Variants in ENOX1 observed in about 807,000 individuals in gnomAD.
ENOX1 encodes ecto-NOX disulfide-thiol exchanger 1.
Under a neutral mutation model 82.5 loss-of-function variants are expected in ENOX1, and 42 were observed. The observed-to-expected ratio is 0.51, with a 90% confidence interval of 0.40 to 0.66. ENOX1 has a LOEUF of 0.66. ENOX1 is among the 30% of genes least tolerant of loss of function. ENOX1 has a pLI of 0.00. For missense variants in ENOX1, 608 were observed against 811.6 expected (o/e 0.75, Z 3.05); for synonymous variants, 271 against 282.2 (o/e 0.96, Z 0.40).
At chr13:43,487,412 G>C (rs1229877132) in intron 2 of ENOX1, among the ~76,000 whole-genome samples, 5 of 152,122 alleles carry the variant, frequency 3.3e-5, no homozygotes, top group Non-Finnish European at 7.4e-5. Context: ...GCCAGAATAT[G>C]ATATACTTTA....
chr13:43,690,911 G>A (rs530268484), intron 1 of ENOX1, among the ~76,000 whole-genome samples: 1 of 152,298 alleles, frequency 6.6e-6, no homozygotes, highest in South Asian at 2.1e-4. Flanking sequence ...TGGGAGAAGG[G>A]CAAGAGTTCG....
intron 2 of ENOX1, among the ~76,000 whole-genome samples, chr13:43,585,481 A>G (rs1251922936): frequency 6.6e-6 from 1 of 152,212 alleles, no homozygotes; most frequent in Non-Finnish European, 1.5e-5. Flanking sequence ...ACCACCTCAA[A>G]GCATCCTTAT....
intron 11 of ENOX1, among the ~76,000 whole-genome samples, chr13:43,316,299 A>G (rs1473803791): frequency 6.6e-6 from 1 of 152,214 alleles, no homozygotes; most frequent in African/African-American, 2.4e-5. Context: ...GGTGTGGCAC[A>G]GTTGAGTAGT....
chr13:43,328,722 A>G (rs760410378), intron 9 of ENOX1, among the ~76,000 whole-genome samples: 4 of 152,174 alleles, frequency 2.6e-5, no homozygotes, highest in Non-Finnish European at 5.9e-5. Context: ...AGATCCCCTA[A>G]TATCTACTCA....
chr13:43,774,491 A>G (rs767244066), intron 1 of ENOX1, among the ~76,000 whole-genome samples: 1 of 152,178 alleles, frequency 6.6e-6, no homozygotes, highest in Non-Finnish European at 1.5e-5. Flanking sequence ...ATTTTTTCCA[A>G]TCTTGCACTT....
chr13:43,700,377 G>T (rs554016515), intron 1 of ENOX1, among the ~76,000 whole-genome samples: 1 of 152,260 alleles, frequency 6.6e-6, no homozygotes, highest in African/African-American at 2.4e-5. Context: ...TCTGAAAAGA[G>T]TCTGGTAGCA....
intron 3 of ENOX1, among the ~76,000 whole-genome samples, chr13:43,450,713 G>T (rs555986180): frequency 4.3e-4 from 66 of 152,200 alleles, no homozygotes; most frequent in African/African-American, 1.5e-3. Context: ...TGGATTGCAG[G>T]AGCCTGATAA....
chr13:43,317,898 G>A (rs76190827), intron 11 of ENOX1, among the ~76,000 whole-genome samples: 47,240 of 151,500 alleles, frequency 0.31, 7,909 homozygotes, highest in Middle Eastern at 0.53. Context: ...CTAGCTACTC[G>A]GGAGGCTGAG....
chr13:43,428,400 ACAT>A (rs2055454549), intron 3 of ENOX1, among the ~76,000 whole-genome samples: 1 of 152,128 alleles, frequency 6.6e-6, no homozygotes, highest in South Asian at 2.1e-4. Context: ...GAAGGTATAA[ACAT>A]CATCATTATC....
At chr13:43,688,053 G>C (rs900927546) in intron 1 of ENOX1, among the ~76,000 whole-genome samples, 1 of 152,074 alleles carries the variant, frequency 6.6e-6, no homozygotes, top group Admixed American at 6.6e-5. Context: ...TCAGGCTCCA[G>C]CTATTTTCCC....
intron 16 of ENOX1, among the ~76,000 whole-genome samples, chr13:43,214,353 C>T (rs1303845711): frequency 1.3e-5 from 2 of 152,112 alleles, no homozygotes. Flanking sequence ...GTGCCAAGTT[C>T]ACCCTTCATA....
chr13:43,650,606 A>G (rs898715693), intron 2 of ENOX1, among the ~76,000 whole-genome samples: 1 of 152,148 alleles, frequency 6.6e-6, no homozygotes, highest in South Asian at 2.1e-4. Context: ...TGGGAGGCCA[A>G]GGCGGGTGGA....
At chr13:43,279,620 C>T (rs2045260372) in intron 12 of ENOX1, among the ~76,000 whole-genome samples, 2 of 152,212 alleles carry the variant, frequency 1.3e-5, no homozygotes, top group African/African-American at 4.8e-5. Context: ...TATAAGAATA[C>T]TTACCAGTGG....
intron 3 of ENOX1, among the ~76,000 whole-genome samples, chr13:43,482,156 C>T (rs1280009397): frequency 6.6e-6 from 1 of 152,100 alleles, no homozygotes; most frequent in Non-Finnish European, 1.5e-5. Flanking sequence ...ATCAAAAAAA[C>T]TGAAAACAGG....
intron 3 of ENOX1, among the ~76,000 whole-genome samples, chr13:43,416,211 G>A (rs2054520927): frequency 1.5e-5 from 2 of 134,762 alleles, no homozygotes; most frequent in East Asian, 2.3e-4. Flanking sequence ...GGGCGGCTGG[G>A]CAGAGGCGCT....
chr13:43,307,196 A>G (rs1427954248), intron 11 of ENOX1, among the ~76,000 whole-genome samples: 1 of 152,190 alleles, frequency 6.6e-6, no homozygotes, highest in Non-Finnish European at 1.5e-5. Flanking sequence ...CAACATTGAA[A>G]TTGACTTATG....
intron 5 of ENOX1, among the ~76,000 whole-genome samples, chr13:43,401,478 G>A (rs907433741): frequency 8.5e-5 from 13 of 152,274 alleles, no homozygotes; most frequent in African/African-American, 2.6e-4. Context: ...CAGAGCCTGA[G>A]GTCTGTCTGA....
At chr13:43,328,546 A>G (rs2048244235) in intron 9 of ENOX1, among the ~76,000 whole-genome samples, 1 of 152,196 alleles carries the variant, frequency 6.6e-6, no homozygotes, top group African/African-American at 2.4e-5. Flanking sequence ...GGCTGTTAAT[A>G]AAAATGAAAC....
intron 5 of ENOX1, among the ~76,000 whole-genome samples, chr13:43,404,041 GC>G (rs1394663800): frequency 1.3e-5 from 2 of 151,904 alleles, no homozygotes. Context: ...ATCTACCTCT[GC>G]CATCCCTTTT....
Sources: gnomAD v4.1 joint callset for allele counts (sites outside exome capture counted in the v4.1 genomes callset) on GRCh38, gnomAD v4.1.1 for gene constraint, MANE v1.5 for transcripts, NCBI Gene and HGNC (gene_info 2026-07-23, HGNC 2026-07-21) for gene names.